The following ADAM28 variants were observed in gnomAD, a reference collection of about 807,000 sequenced individuals.
The protein encoded by ADAM28 is ADAM metallopeptidase domain 28, also known as disintegrin and metalloproteinase domain-containing protein 28.
Under a neutral mutation model 101.2 loss-of-function variants are expected in ADAM28, and 105 were observed. That is an observed-to-expected ratio of 1.04 (90% CI 0.89 to 1.22). ADAM28 has a LOEUF of 1.22. Among genes scored for constraint, ADAM28 ranks in the 50% most tolerant of loss-of-function variants. The pLI is 0.00. For missense variants in ADAM28, 1,028 were observed against 945.4 expected (o/e 1.09, Z -1.15); for synonymous variants, 322 against 310.6 (o/e 1.04, Z -0.39).
chr8:24,353,713 AG>A, intron 21 of ADAM28, 56 bp from the exon 22 acceptor site: 5 of 1,093,060 alleles, frequency 4.6e-6, no homozygotes, highest in Non-Finnish European at 5.6e-6. Context: ...AATATAGCTA[AG>A]ATGGGACAAG....
intron 18 of ADAM28, among the ~76,000 whole-genome samples, chr8:24,347,777 A>G (rs1040276915): frequency 3.3e-5 from 5 of 152,130 alleles, no homozygotes; most frequent in Non-Finnish European, 7.4e-5. Context: ...GTGTCTATCT[A>G]GTACACTTCT....
At chr8:24,329,361 A>C (rs562332906) in intron 10 of ADAM28, among the ~76,000 whole-genome samples, 1 of 152,252 alleles carries the variant, frequency 6.6e-6, no homozygotes, top group East Asian at 1.9e-4. Context: ...GGACATTTTA[A>C]CCTGCAACGA....
chr8:24,326,399 A>T (rs185936674), intron 9 of ADAM28, among the ~76,000 whole-genome samples, 155 bp from the exon 10 acceptor site: 13 of 152,190 alleles, frequency 8.5e-5, no homozygotes, highest in Non-Finnish European at 8.8e-5. Flanking sequence ...TTCTATAGAA[A>T]AATGCCTTAT....
chr8:24,302,789 C>A (rs1373874325), intron 2 of ADAM28, among the ~76,000 whole-genome samples: 2 of 151,796 alleles, frequency 1.3e-5, no homozygotes, highest in Non-Finnish European at 2.9e-5. Flanking sequence ...AAAAATTATA[C>A]CTTAAGTTCT....
chr8:24,347,629 A>G (rs79185370), intron 18 of ADAM28, among the ~76,000 whole-genome samples: 7,329 of 152,162 alleles, frequency 0.048, 230 homozygotes, highest in East Asian at 0.094. Flanking sequence ...AATACCCCCC[A>G]CTGTAATTGT....
In ADAM28 at chr8:24,330,962, T is replaced by C. The variant is rs1022449985; in HGVS notation, c.1104-188T>C. Among the ~76,000 whole-genome samples the C allele has an allele frequency of 2.6e-5, 4 of 152,148 alleles. No homozygotes were observed. The East Asian group carries it at 5.8e-4, about 22-fold the overall frequency. The stretch of plus-strand genomic sequence containing the variant: ...GATGCTACACATTGAAATATGACTA[T>C]ATTTTCTCATGAAGTTGGAGGTGGG... On this transcript the variant is annotated intron_variant, in intron 11 of 22. Transcript: ENST00000265769.
At chr8:24,316,265 C>T (rs543958166) in intron 6 of ADAM28, among the ~76,000 whole-genome samples, 18 of 151,930 alleles carry the variant, frequency 1.2e-4, no homozygotes, top group African/African-American at 4.3e-4. Flanking sequence ...TTCTTATATT[C>T]TTCTTTCTTC....
At chr8:24,305,036 T>A (rs1427973581) in intron 2 of ADAM28, among the ~76,000 whole-genome samples, 1 of 152,186 alleles carries the variant, frequency 6.6e-6, no homozygotes, top group Non-Finnish European at 1.5e-5. Flanking sequence ...ACCTTTATTT[T>A]AAAATTCTTC....
chr8:24,321,168 G>A (rs761565612), intron 7 of ADAM28, 50 bp from the exon 8 acceptor site: 8 of 1,171,480 alleles, frequency 6.8e-6, no homozygotes, highest in Non-Finnish European at 1.0e-5. Context: ...AACCTTCCAA[G>A]TATATTCATT....
At chr8:24,337,163 A>AT (rs771902060) in intron 14 of ADAM28, among the ~76,000 whole-genome samples, 7 of 152,262 alleles carry the variant, frequency 4.6e-5, no homozygotes, top group Non-Finnish European at 1.0e-4. Context: ...GCAAAGCTCA[A>AT]TTCCCTTAGT....
In ADAM28 at chr8:24,311,818, A is replaced by T. The variant is rs758111711; in HGVS notation, c.383+381A>T. On this transcript the variant is annotated intron_variant, in intron 5 of 22. Coordinates refer to ENST00000265769, the MANE Select transcript of ADAM28 (RefSeq NM_014265.6). ...TAGTGGTGCGATTTCAGCTCACTGCAATCTCAGTCTCCTGGGTTCAAGTGA... is the reference window on the plus strand; with the variant it reads ...TAGTGGTGCGATTTCAGCTCACTGCTATCTCAGTCTCCTGGGTTCAAGTGA... Among the ~76,000 whole-genome samples the T allele has an allele frequency of 2.0e-5, 3 of 152,188 alleles. No homozygotes were observed. In the East Asian group the frequency reaches 5.8e-4, roughly 29 times the overall value.
At position 24,331,230 on chromosome 8, in the gene ADAM28, T is replaced by C; in HGVS notation, c.1184T>C (p.Leu395Pro). The C allele has an allele frequency of 1.2e-6, 2 of 1,613,532 alleles. No individual in the cohort carries two copies. The change falls in exon 12 of 23, where the codon CTC (leucine) becomes CCC (proline). Residue 395 changes from leucine (L) to proline (P), a missense_variant. Leu to Pro is a moderately conservative substitution (Grantham distance 98). Transcript: ENST00000265769. ...TTTGAAGATAAATTATCAAATTGCC[T>C]CTTTAATGCTCCATTGCCTACAGAT... ...KFFEDKLSNC[L>P]FNAPLPTDII...
rs1563270759 is a variant in ADAM28, at chr8:24,306,385, TTTA to T, written c.151-3508_151-3506del. ...ATAAATATATATATATATATATATA[TTTA>T]AAAATATATATATATATGTTCCACA... On this transcript the variant is annotated intron_variant, in intron 2 of 22. Coordinates refer to ENST00000265769, the MANE Select transcript of ADAM28 (RefSeq NM_014265.6). Among the ~76,000 whole-genome samples, 124 of 121,388 alleles carry T rather than the reference TTTA, an allele frequency of 1.0e-3. 4 individuals carry two copies. In the South Asian group the frequency reaches 0.03, roughly 29 times the overall value. The allele number at this position is 121,388 out of a possible 152,430, so 79.6% of individuals were successfully genotyped here.
At chr8:24,346,590 G>A (rs775087067) in intron 18 of ADAM28, among the ~76,000 whole-genome samples, 40 of 152,016 alleles carry the variant, frequency 2.6e-4, no homozygotes, top group Non-Finnish European at 5.6e-4. Context: ...ACTGCCCTAC[G>A]ACATGGCCAT....
intron 2 of ADAM28, among the ~76,000 whole-genome samples, chr8:24,300,336 A>G (rs1808553612): frequency 6.6e-6 from 1 of 152,234 alleles, no homozygotes. Context: ...CCAAAGTTAT[A>G]TTATTAACCT....
intron 2 of ADAM28, among the ~76,000 whole-genome samples, chr8:24,309,501 C>T (rs550248014): frequency 2.0e-5 from 3 of 152,324 alleles, no homozygotes; most frequent in African/African-American, 7.2e-5. Flanking sequence ...CTACTATATA[C>T]ATCCATTATC....
chr8:24,343,038 A>T, intron 16 of ADAM28, 63 bp from the exon 17 acceptor site: 5 of 1,609,866 alleles, frequency 3.1e-6, no homozygotes, highest in Non-Finnish European at 4.2e-6. Context: ...CTTCACACAG[A>T]CCTCAACTTT....
chr8:24,350,860 C>T (rs5004379), intron 19 of ADAM28, among the ~76,000 whole-genome samples: 145,066 of 150,640 alleles, frequency 0.96, 69,973 homozygotes, highest in East Asian at 1. Flanking sequence ...TCTGGCACAA[C>T]GGTGTTTTTT....
At chr8:24,332,012 A>G (rs1813421206) in intron 12 of ADAM28, among the ~76,000 whole-genome samples, 1 of 152,184 alleles carries the variant, frequency 6.6e-6, no homozygotes. Flanking sequence ...TCTATGAGAA[A>G]AAGTAGTCTG....
Sources: allele counts gnomAD v4.1 joint callset (sites outside exome capture counted in the v4.1 genomes callset), GRCh38; gene constraint gnomAD v4.1.1; transcripts MANE v1.5; gene names NCBI Gene and HGNC (gene_info 2026-07-23, HGNC 2026-07-21).